The following BAALC variants were observed in gnomAD, a reference collection of about 807,000 sequenced individuals.
BAALC encodes the protein BAALC binder of MAP3K1 and KLF4, also known as brain and acute leukemia cytoplasmic protein.
A neutral mutation model predicts 15.5 loss-of-function variants in BAALC; 9 were observed. The observed-to-expected ratio is 0.58, with a 90% confidence interval of 0.35 to 1.02. BAALC has a LOEUF of 1.02. BAALC is among the 50% of genes least tolerant of loss of function. The pLI is 0.02. For synonymous variants in BAALC, 80 were observed against 74.6 expected (o/e 1.07, Z -0.37); for missense variants, 201 against 192.4 (o/e 1.04, Z -0.27).
chr8:103,202,351 C>CTCAGAGGGAAGACCATGTGA (rs1431183031), intron 1 of BAALC, among the ~76,000 whole-genome samples: 1 of 152,180 alleles, frequency 6.6e-6, no homozygotes, highest in East Asian at 1.9e-4. Flanking sequence ...CACAGACACA[C>CTCAGAGGGAAGACCATGTGA]TCAGAGGGAA....
intron 1 of BAALC, among the ~76,000 whole-genome samples, chr8:103,170,121 T>C (rs184482224): frequency 6.6e-6 from 1 of 152,326 alleles, no homozygotes; most frequent in East Asian, 1.9e-4. Flanking sequence ...TTCCTATGAG[T>C]TTATGCCTCT....
At position 103,181,088 on chromosome 8, in the gene BAALC, C is replaced by A. The variant is rs567665421; in HGVS notation, c.161-31831C>A. Among the ~76,000 whole-genome samples, 5 of 152,164 alleles carry A rather than the reference C, an allele frequency of 3.3e-5. No individual in the cohort carries two copies. The East Asian group carries it at 9.7e-4, about 30-fold the overall frequency. ...AATATTAAAAGGAAGAGAGAGAATT[C>A]TCAGGAAAGGGTGGAGGTGCTGTAG... On this transcript the variant is annotated intron_variant, in intron 1 of 2. Transcript: ENST00000309982.
chr8:103,175,176 A>G (rs1160306544), intron 1 of BAALC, among the ~76,000 whole-genome samples: 1 of 152,114 alleles, frequency 6.6e-6, no homozygotes, highest in Non-Finnish European at 1.5e-5. Context: ...TGTCTTTCTC[A>G]GGGCTAAGCA....
At chr8:103,183,326 A>G (rs1407085166) in intron 1 of BAALC, 1 of 702,800 alleles carries the variant, frequency 1.4e-6, no homozygotes, top group East Asian at 2.7e-5. Context: ...TTGAGTCCTA[A>G]CCACTTCCAC....
At chr8:103,177,414 GC>G (rs1194055407) in intron 1 of BAALC, among the ~76,000 whole-genome samples, 1 of 152,002 alleles carries the variant, frequency 6.6e-6, no homozygotes, top group East Asian at 1.9e-4. Flanking sequence ...CAAACTCCTG[GC>G]CTTGAGTGAT....
chr8:103,190,611 T>C (rs537887976), intron 1 of BAALC, among the ~76,000 whole-genome samples: 3 of 152,358 alleles, frequency 2.0e-5, no homozygotes, highest in Non-Finnish European at 4.4e-5. Flanking sequence ...AAAAAGCAAG[T>C]AAAGGATTTA....
chr8:103,213,162 C>T (rs376540545), intron 2 of BAALC, 77 bp downstream of exon 2: 133 of 1,491,338 alleles, frequency 8.9e-5, no homozygotes, highest in East Asian at 1.1e-4. Context: ...GCCACCCAGC[C>T]GCTATGTCCA....
At chr8:103,158,853 T>A (rs1245574316) in intron 1 of BAALC, among the ~76,000 whole-genome samples, 1 of 152,176 alleles carries the variant, frequency 6.6e-6, no homozygotes, top group African/African-American at 2.4e-5. Flanking sequence ...CACAGGTAAC[T>A]GAGACTGCAA....
chr8:103,216,739 G>T (rs1441169837), intron 2 of BAALC, among the ~76,000 whole-genome samples: 1 of 152,208 alleles, frequency 6.6e-6, no homozygotes, highest in African/African-American at 2.4e-5. Flanking sequence ...CCCTACCAAA[G>T]TGCTAGGATT....
intron 2 of BAALC, among the ~76,000 whole-genome samples, chr8:103,219,897 A>G (rs1467638518): frequency 2.0e-5 from 3 of 152,220 alleles, no homozygotes; most frequent in Non-Finnish European, 2.9e-5. Flanking sequence ...TTGGGAAGGA[A>G]GAGAGGATAA....
intron 2 of BAALC, among the ~76,000 whole-genome samples, chr8:103,217,375 T>C (rs140900023): frequency 6.6e-6 from 1 of 152,292 alleles, no homozygotes; most frequent in East Asian, 1.9e-4. Context: ...AGCTACCTCA[T>C]ACCAACACTC....
At chr8:103,223,062 C>T (rs866281627) in intron 2 of BAALC, among the ~76,000 whole-genome samples, 2 of 152,264 alleles carry the variant, frequency 1.3e-5, no homozygotes, top group African/African-American at 4.8e-5. Flanking sequence ...CCTGTAATTC[C>T]AGCACTTTGG....
At chr8:103,211,362 T>TA (rs1812443189) in intron 1 of BAALC, among the ~76,000 whole-genome samples, 1 of 152,212 alleles carries the variant, frequency 6.6e-6, no homozygotes, top group Non-Finnish European at 1.5e-5. Flanking sequence ...TCTATCGTGT[T>TA]ATTCAGCTTC....
chr8:103,152,662 C>T (rs1178335453), intron 1 of BAALC, among the ~76,000 whole-genome samples: 1 of 152,238 alleles, frequency 6.6e-6, no homozygotes, highest in Non-Finnish European at 1.5e-5. Flanking sequence ...GAACCCTCCA[C>T]ACCTTTTGTA....
At chr8:103,151,099 C>T (rs994725972) in intron 1 of BAALC, among the ~76,000 whole-genome samples, 1 of 151,438 alleles carries the variant, frequency 6.6e-6, no homozygotes, top group Admixed American at 6.6e-5. Flanking sequence ...CTCACTGCAA[C>T]CTCTGCCTCC....
At chr8:103,152,214 T>A (rs1050984729) in intron 1 of BAALC, among the ~76,000 whole-genome samples, 1 of 152,182 alleles carries the variant, frequency 6.6e-6, no homozygotes, top group South Asian at 2.1e-4. Flanking sequence ...GGGGCCTGCA[T>A]GACGAGGTCC....
Position 103,226,249 on chromosome 8 carries a change from A to C in BAALC, c.328-1740A>C, listed in dbSNP as rs185307307. Among the ~76,000 whole-genome samples the C allele has an allele frequency of 2.5e-3, 379 of 152,370 alleles. 5 individuals carry two copies. The highest frequency in any genetic ancestry group is 8.8e-3 in the African/African-American group (366 of 41,586). On this transcript the variant is annotated intron_variant, in intron 2 of 2. Transcript: ENST00000309982. The stretch of plus-strand genomic sequence containing the variant: ...TAAGGGAGAAGTCCAGCCACAATGC[A>C]AGCTGACAACAGCTTCAGCGACCCC...
At chr8:103,179,331 G>A (rs1263342389) in intron 1 of BAALC, among the ~76,000 whole-genome samples, 3 of 152,176 alleles carry the variant, frequency 2.0e-5, no homozygotes, top group South Asian at 2.1e-4. Flanking sequence ...GTCATGCTGG[G>A]TAGGAGCCCC....
At chr8:103,167,210 C>A (rs1474926598) in intron 1 of BAALC, among the ~76,000 whole-genome samples, 1 of 152,134 alleles carries the variant, frequency 6.6e-6, no homozygotes, top group African/African-American at 2.4e-5. Context: ...AGGGCAGTGG[C>A]CTTACCCTAA....
Sources: gnomAD v4.1 joint callset for allele counts (sites outside exome capture counted in the v4.1 genomes callset) on GRCh38, gnomAD v4.1.1 for gene constraint, MANE v1.5 for transcripts, NCBI Gene and HGNC (gene_info 2026-07-23, HGNC 2026-07-21) for gene names.